The following WWOX variants were observed in gnomAD, a reference collection of about 807,000 sequenced individuals.
The protein encoded by WWOX is WW domain containing oxidoreductase, also known as WW domain-containing oxidoreductase.
Under a neutral mutation model 46.2 loss-of-function variants are expected in WWOX, and 69 were observed. The ratio of observed to expected loss-of-function variants is 1.49; its 90% CI spans 1.23 to 1.82. WWOX has a LOEUF of 1.82. Ranked by LOEUF, WWOX falls within the 40% of genes most tolerant of loss-of-function variation. The probability of loss-of-function intolerance (pLI) is 0.00; values close to 1 mark genes in which losing one functional copy is unlikely to be tolerated. For missense variants in WWOX, 919 were observed against 542.6 expected (o/e 1.69, Z -6.89); for synonymous variants, 359 against 202.6 (o/e 1.77, Z -6.56).
chr16:78,407,007 C>G (rs1021464840), intron 6 of WWOX, among the ~76,000 whole-genome samples: 1 of 152,190 alleles, frequency 6.6e-6, no homozygotes, highest in Non-Finnish European at 1.5e-5. Context: ...GCATTTTGGG[C>G]AGCTGTGGCC....
At chr16:78,512,736 A>G (rs543056552) in intron 8 of WWOX, among the ~76,000 whole-genome samples, 3 of 152,242 alleles carry the variant, frequency 2.0e-5, no homozygotes, top group Non-Finnish European at 2.9e-5. Context: ...AAGTACTTGC[A>G]CTAGTGATGC....
At chr16:78,825,508 T>G (rs12325279) in intron 8 of WWOX, 35,362 of 491,756 alleles carry the variant, frequency 0.072, 1,418 homozygotes, top group South Asian at 0.11. Flanking sequence ...CAGAAGAGAT[T>G]TGGCTTCCCA....
chr16:79,050,405 C>G (rs2048144581), intron 8 of WWOX, among the ~76,000 whole-genome samples: 1 of 152,174 alleles, frequency 6.6e-6, no homozygotes, highest in African/African-American at 2.4e-5. Flanking sequence ...TTTCTTATGG[C>G]AAGGGCAGAA....
At chr16:78,375,730 T>A (rs943609938) in intron 5 of WWOX, among the ~76,000 whole-genome samples, 3 of 152,106 alleles carry the variant, frequency 2.0e-5, no homozygotes, top group Non-Finnish European at 2.9e-5. Context: ...AAGAAAAAAA[T>A]TATAGTTTCC....
At chr16:79,125,207 A>G (rs376188276) in intron 8 of WWOX, among the ~76,000 whole-genome samples, 8 of 152,308 alleles carry the variant, frequency 5.3e-5, no homozygotes, top group African/African-American at 1.9e-4. Flanking sequence ...TTATAGATGT[A>G]TATTACAGCT....
intron 8 of WWOX, among the ~76,000 whole-genome samples, chr16:78,941,578 G>A (rs897184558): frequency 1.3e-5 from 2 of 151,918 alleles, no homozygotes; most frequent in African/African-American, 4.8e-5. Flanking sequence ...ATTTCAAATG[G>A]CATTATCTTC....
At chr16:78,884,980 C>G (rs566212121) in intron 8 of WWOX, among the ~76,000 whole-genome samples, 1 of 152,144 alleles carries the variant, frequency 6.6e-6, no homozygotes, top group Admixed American at 6.5e-5. Context: ...GAGACCCCAC[C>G]AAGCCATCTA....
rs1406467436 is a variant in WWOX, at chr16:78,386,915, A to G, written c.572A>G (p.Gln191Arg). The G allele has an allele frequency of 6.2e-7, 1 of 1,614,060 alleles. No individual in the cohort carries two copies. The highest frequency in any genetic ancestry group is 1.3e-5 in the African/African-American group (1 of 74,932). The change falls in exon 6 of 9, where the codon CAG (glutamine) becomes CGG (arginine). Residue 191 changes from glutamine (Q) to arginine (R), a missense_variant. By Grantham distance (43) the Gln-to-Arg change is conservative (BLOSUM62 1). Coordinates refer to ENST00000566780, the MANE Select transcript of WWOX (RefSeq NM_016373.4). The part of the protein sequence containing the change: ...TLDLALLRSV[Q>R]HFAEAFKAKN... ...GACCTCGCTCTGCTCCGTAGCGTGC[A>G]GCATTTTGCTGAAGCATTCAAGGCC... is the stretch of plus-strand genomic sequence containing the variant.
intron 8 of WWOX, among the ~76,000 whole-genome samples, chr16:78,492,021 G>A (rs1170606323): frequency 2.9e-5 from 2 of 68,470 alleles, no homozygotes; most frequent in Admixed American, 4.5e-4. Context: ...CATTCTCAAT[G>A]GACAAAGGGA....
rs147599423 is a variant in WWOX at position 78,690,986 on chromosome 16, G to C, written c.1056+258234G>C. ...CCAGGCCTCAATCTATATGTCCAAC[G>C]CCATTCGTAGACCCCCTTTGATAAT... On this transcript the variant is annotated intron_variant, in intron 8 of 8. Transcript: ENST00000566780. 8.8e-3 allele frequency among the ~76,000 whole-genome samples: 1,340 copies of C among 152,164 alleles called. 15 individuals carry two copies. The highest frequency in any genetic ancestry group is 0.02 in the Middle Eastern group (6 of 294).
chr16:78,533,230 C>G (rs2043667777), intron 8 of WWOX, among the ~76,000 whole-genome samples: 1 of 151,946 alleles, frequency 6.6e-6, no homozygotes, highest in Non-Finnish European at 1.5e-5. Flanking sequence ...CAGGAGGTGA[C>G]TAGATTTGGA....
chr16:79,037,044 A>C (rs1221946025), intron 8 of WWOX, among the ~76,000 whole-genome samples: 1 of 152,030 alleles, frequency 6.6e-6, no homozygotes, highest in Admixed American at 6.6e-5. Context: ...CTTCTCAGGC[A>C]CTCTGTTAAG....
At chr16:78,145,178 G>A (rs1341596031) in intron 4 of WWOX, among the ~76,000 whole-genome samples, 1 of 152,146 alleles carries the variant, frequency 6.6e-6, no homozygotes, top group Non-Finnish European at 1.5e-5. Context: ...CTCTCTCCTT[G>A]GCTTGTAGAT....
intron 8 of WWOX, chr16:79,101,809 G>C (rs981229857): frequency 6.6e-6 from 1 of 150,602 alleles, no homozygotes; most frequent in Non-Finnish European, 1.5e-5. Context: ...GTTTTTTCTA[G>C]AGGTAGGAGG....
At chr16:78,694,216 A>C (rs1437252202) in intron 8 of WWOX, among the ~76,000 whole-genome samples, 2 of 152,138 alleles carry the variant, frequency 1.3e-5, no homozygotes, top group Non-Finnish European at 2.9e-5. Context: ...GTGTCTCAAA[A>C]AATAAAATAA....
intron 8 of WWOX, among the ~76,000 whole-genome samples, chr16:78,811,793 G>A (rs1036566945): frequency 6.6e-6 from 1 of 152,052 alleles, no homozygotes; most frequent in Non-Finnish European, 1.5e-5. Flanking sequence ...TGATGGTCAG[G>A]GCTTTGACAT....
intron 5 of WWOX, among the ~76,000 whole-genome samples, chr16:78,254,919 C>T (rs1438940199): frequency 6.6e-6 from 1 of 152,148 alleles, no homozygotes; most frequent in East Asian, 1.9e-4. Flanking sequence ...CACTGTCTGC[C>T]CAGAGGCTGG....
At chr16:78,864,512 G>A (rs994697914) in intron 8 of WWOX, among the ~76,000 whole-genome samples, 7 of 151,982 alleles carry the variant, frequency 4.6e-5, no homozygotes, top group East Asian at 1.9e-4. Context: ...CAGGAGATCC[G>A]CCTGCCTTGG....
intron 8 of WWOX, among the ~76,000 whole-genome samples, chr16:79,156,324 C>T (rs1370011942): frequency 2.0e-5 from 3 of 152,166 alleles, no homozygotes; most frequent in Non-Finnish European, 2.9e-5. Flanking sequence ...ACACACTTGG[C>T]TAATTTTTGT....
Sources: gnomAD v4.1 joint callset for allele counts (sites outside exome capture counted in the v4.1 genomes callset) on GRCh38, gnomAD v4.1.1 for gene constraint, MANE v1.5 for transcripts, NCBI Gene and HGNC (gene_info 2026-07-23, HGNC 2026-07-21) for gene names.